DNAH3: variants seen among roughly 807,000 people sequenced by gnomAD.
DNAH3 encodes the protein dynein axonemal heavy chain 3.
Under a neutral mutation model 432.5 loss-of-function variants are expected in DNAH3, and 332 were observed. The observed-to-expected ratio is 0.77, with a 90% CI of 0.70 to 0.84. The LOEUF (loss-of-function observed/expected upper bound fraction) is 0.84. Ranked by LOEUF, DNAH3 falls within the 40% of genes least tolerant of loss-of-function variation. DNAH3 has a pLI of 0.00. For missense variants in DNAH3, 4,861 were observed against 5,114.0 expected (o/e 0.95, Z 1.51); for synonymous variants, 1,956 against 1,900.2 (o/e 1.03, Z -0.76).
intron 19 of DNAH3, among the ~76,000 whole-genome samples, chr16:21,085,550 A>G (rs1183172543): frequency 6.8e-6 from 1 of 146,022 alleles, no homozygotes; most frequent in African/African-American, 2.5e-5. Context: ...AAAAAAAAAG[A>G]AAAACAGAGG....
intron 1 of DNAH3, 140 bp from the exon 3 acceptor site, chr16:21,146,228 C>A: frequency 5.0e-6 from 3 of 604,770 alleles, no homozygotes; most frequent in Non-Finnish European, 9.0e-6. Flanking sequence ...TCCTCTCATT[C>A]CCATCCATTA....
intron 25 of DNAH3, among the ~76,000 whole-genome samples, chr16:21,060,996 C>A (rs1597275134): frequency 6.6e-6 from 1 of 151,804 alleles, no homozygotes; most frequent in Non-Finnish European, 1.5e-5. Context: ...TGCCACCATG[C>A]CCGGCTAACT....
chr16:21,127,536 G>C, intron 8 of DNAH3, 151 bp downstream of exon 9: 2 of 926,098 alleles, frequency 2.2e-6, no homozygotes, highest in African/African-American at 1.7e-5. Context: ...ACTCCAGCCT[G>C]AGTGACAGAA....
At chr16:20,952,685 A>G in intron 55 of DNAH3, 136 bp from the exon 56 acceptor site, 1 of 627,436 alleles carries the variant, frequency 1.6e-6, no homozygotes, top group Admixed American at 2.3e-5. Context: ...CACCGAGGCC[A>G]ACTATTAGCC....
intron 57 of DNAH3, 113 bp from the exon 58 acceptor site, chr16:20,944,776 G>T: frequency 1.4e-6 from 1 of 701,038 alleles, no homozygotes; most frequent in South Asian, 1.8e-5. Flanking sequence ...AGTAGCACAG[G>T]ACACACACAC....
At chr16:20,941,373 A>T (rs374704173) in intron 59 of DNAH3, 28 bp downstream of exon 59, 14 of 1,612,868 alleles carry the variant, frequency 8.7e-6, no homozygotes, top group East Asian at 4.5e-5. Flanking sequence ...TCCAACTCCC[A>T]GGATTCAAGC....
rs754464042 is a variant in DNAH3 at position 20,964,516 on chromosome 16, G to T, written c.9368C>A (p.Thr3123Asn). ...TCCAATGTTTTCAATCAAGACAGGG[G>T]TGCCTAACTGCAGCGCGTTTTCCAG... Residue 3123 changes from threonine to asparagine, a missense_variant, in exon 53 of 62, where the codon ACC becomes AAC. Coordinates refer to ENST00000261383, the Ensembl canonical transcript of DNAH3. 1.9e-6 allele frequency: 3 copies of T among 1,614,148 alleles called. No homozygotes were observed. The South Asian group carries it at 3.3e-5, about 18-fold the overall frequency.
Position 21,113,512 on chromosome 16 carries a change from G to A in DNAH3, c.1815-1414C>T, listed in dbSNP as rs370738759. Among the ~76,000 whole-genome samples, 58 of 152,178 alleles carry A rather than the reference G, an allele frequency of 3.8e-4. 1 individual carries two copies. In the East Asian group the frequency reaches 5.4e-3, roughly 14 times the overall value. ...CTCTCACTGTAACCCAGGCTGGAGT[G>A]CAGTGCTGTGATCTCAGCTCACTGC... On this transcript the variant is annotated intron_variant, in intron 12 of 61. Transcript: ENST00000261383.
intron 26 of DNAH3, 29 bp from the exon 27 acceptor site, chr16:21,058,225 G>T: frequency 2.2e-6 from 3 of 1,386,288 alleles, no homozygotes; most frequent in Non-Finnish European, 3.1e-6. Context: ...CATGTTATAG[G>T]ATCAGTTCAC....
intron 7 of DNAH3, among the ~76,000 whole-genome samples, chr16:21,131,449 AGG>A (rs2092556079): frequency 7.9e-6 from 1 of 127,066 alleles, no homozygotes; most frequent in African/African-American, 3.1e-5. Flanking sequence ...GAAAGAAAGA[AGG>A]AAAGAAAGGA....
At chr16:21,001,269 A>G (rs2087004862) in intron 42 of DNAH3, among the ~76,000 whole-genome samples, 1 of 152,120 alleles carries the variant, frequency 6.6e-6, no homozygotes. Flanking sequence ...CTTGGCTTGG[A>G]TTCTCTGAGT....
At chr16:20,979,499 G>A in exon 50 of DNAH3, 1 of 1,614,096 alleles carries the variant, frequency 6.2e-7, no homozygotes, top group Non-Finnish European at 8.5e-7. Context: ...ATAATCGAGT[G>A]ACAGCTTCTT....
chr16:21,120,400 TTAAC>T (rs1427474568), intron 11 of DNAH3, among the ~76,000 whole-genome samples: 6 of 152,300 alleles, frequency 3.9e-5, no homozygotes, highest in East Asian at 1.9e-4. Flanking sequence ...ATGATTGACC[TTAAC>T]TAACTTTTAA....
chr16:21,151,539 G>A (rs1037952008), intron 1 of DNAH3, among the ~76,000 whole-genome samples: 7 of 151,806 alleles, frequency 4.6e-5, no homozygotes, highest in East Asian at 1.9e-4. Context: ...CTCGTGATCC[G>A]CCCACCTCGG....
chr16:21,131,504 A>AGAAGGAAGGAAGGAAG lies in DNAH3; in HGVS notation c.1082+2739_1082+2754dup, dbSNP rs1243332610. Among the ~76,000 whole-genome samples, 11 of 139,284 alleles carry AGAAGGAAGGAAGGAAG rather than the reference A, an allele frequency of 7.9e-5. No individual in the cohort carries two copies. The South Asian group carries it at 1.2e-3, about 15-fold the overall frequency. The allele number at this position is 139,284 out of a possible 152,430, so 91.4% of individuals were successfully genotyped here. ...GAAAGAAAAGAAAGAGAGATGAGAG[A>AGAAGGAAGGAAGGAAG]GAAGGAAGGAAGGAAGGAAGGAAGG... On this transcript the variant is annotated intron_variant, in intron 7 of 61. Coordinates refer to ENST00000261383, the Ensembl canonical transcript of DNAH3.
rs764689133 is a variant in DNAH3 at position 21,145,176 on chromosome 16, A to G, written c.448+5T>C. On this transcript the variant is annotated splice_donor_5th_base_variant and intron_variant, in intron 3 of 61. Coordinates refer to ENST00000261383, the Ensembl canonical transcript of DNAH3. ...TCTGCAAGGGTGTGACACTGCCACA[A>G]GTACCTGATGATGGCAGCCCCTGAC... 2.5e-6 allele frequency: 4 copies of G among 1,608,468 alleles called. No homozygotes were observed. Among genetic ancestry groups the G allele is most frequent in the Non-Finnish European group, 3.4e-6 (4 of 1,177,048 alleles).
exon 54 of DNAH3, chr16:20,959,352 G>C: frequency 6.2e-7 from 1 of 1,614,174 alleles, no homozygotes; most frequent in Non-Finnish European, 8.5e-7. Context: ...CAAGGGAGAT[G>C]GTCTGTGTTC....
intron 43 of DNAH3, among the ~76,000 whole-genome samples, chr16:20,998,964 G>A (rs901314188): frequency 7.9e-5 from 12 of 152,096 alleles, no homozygotes; most frequent in African/African-American, 2.9e-4. Flanking sequence ...GGGTTAAAAA[G>A]TAAGCTTTGA....
At chr16:21,093,377 G>C (rs576619376) in intron 18 of DNAH3, among the ~76,000 whole-genome samples, 17 of 152,270 alleles carry the variant, frequency 1.1e-4, no homozygotes, top group African/African-American at 3.9e-4. Context: ...AACATGCATA[G>C]GAGCTGTATG....
Sources: gnomAD v4.1 joint callset for allele counts (sites outside exome capture counted in the v4.1 genomes callset) on GRCh38, gnomAD v4.1.1 for gene constraint, MANE v1.5 for transcripts, NCBI Gene and HGNC (gene_info 2026-07-23, HGNC 2026-07-21) for gene names.